The following HPSE2 variants were observed in gnomAD, a reference collection of about 807,000 sequenced individuals.
The protein encoded by HPSE2 is heparanase 2 (inactive).
A neutral mutation model predicts 60.5 loss-of-function variants in HPSE2; 38 were observed. The observed-to-expected ratio is 0.63, with a 90% confidence interval of 0.48 to 0.82. The LOEUF (loss-of-function observed/expected upper bound fraction) is 0.82, where lower values mean the gene tolerates loss of function less well. Among genes scored for constraint, HPSE2 ranks in the 40% least tolerant of loss-of-function variants. HPSE2 has a pLI of 0.00. For synonymous variants in HPSE2, 295 were observed against 293.2 expected (o/e 1.01, Z -0.06); for missense variants, 713 against 740.4 (o/e 0.96, Z 0.43).
chr10:99,023,592 T>C (rs529193378), intron 3 of HPSE2, among the ~76,000 whole-genome samples: 1 of 152,260 alleles, frequency 6.6e-6, no homozygotes, highest in Non-Finnish European at 1.5e-5. Context: ...GTCATAGTAA[T>C]GGTGGCAACA....
intron 6 of HPSE2, among the ~76,000 whole-genome samples, chr10:98,662,971 G>C (rs1947263780): frequency 6.6e-6 from 1 of 152,166 alleles, no homozygotes; most frequent in African/African-American, 2.4e-5. Context: ...ATGAGACCAA[G>C]ATAGGACATG....
At chr10:98,825,612 G>T (rs996870340) in intron 3 of HPSE2, among the ~76,000 whole-genome samples, 6 of 151,402 alleles carry the variant, frequency 4.0e-5, no homozygotes, top group Admixed American at 1.3e-4. Context: ...CCCGGGGTTG[G>T]GGGGGCGGGG....
rs192633205 is a variant in HPSE2, at chr10:98,620,495, G to A, written c.1205+107C>T. 3.8e-6 allele frequency: 3 copies of A among 791,460 alleles called. No individual in the cohort carries two copies. In the Admixed American group the frequency reaches 5.9e-5, roughly 16 times the overall value. 49.0% of individuals were successfully genotyped at this position (791,460 alleles called of 1,614,324 possible). A position where few individuals can be genotyped will look rare whatever the true frequency, so the allele number is the denominator to read the frequency against. On this transcript the variant is annotated intron_variant, in intron 8 of 11. Transcript: ENST00000370552. ...GAATGAATGAAATGAACTTTCAACGGGAAACATGCCTCACCCCTAGGATGG... is the reference window on the plus strand; with the variant it reads ...GAATGAATGAAATGAACTTTCAACGAGAAACATGCCTCACCCCTAGGATGG...
At chr10:98,545,896 G>A (rs10883127) in intron 9 of HPSE2, among the ~76,000 whole-genome samples, 127,363 of 148,242 alleles carry the variant, frequency 0.86, 55,692 homozygotes, top group East Asian at 1. Context: ...TTGTATATCT[G>A]GAAAACCCCA....
At chr10:99,173,741 C>T (rs1847409060) in intron 2 of HPSE2, among the ~76,000 whole-genome samples, 2 of 152,158 alleles carry the variant, frequency 1.3e-5, no homozygotes, top group East Asian at 1.9e-4. Context: ...GTCAGGAGTT[C>T]GAGACCAGCC....
intron 3 of HPSE2, among the ~76,000 whole-genome samples, chr10:98,952,278 C>A (rs1337155060): frequency 1.3e-5 from 2 of 150,538 alleles, no homozygotes; most frequent in South Asian, 2.1e-4. Context: ...AAATGTAAGA[C>A]CATTGAGGAA....
At chr10:98,989,198 T>G (rs1335811889) in intron 3 of HPSE2, among the ~76,000 whole-genome samples, 2 of 152,132 alleles carry the variant, frequency 1.3e-5, no homozygotes, top group African/African-American at 4.8e-5. Context: ...CATGCACACG[T>G]ATGTTTATTG....
At chr10:99,163,174 G>A (rs1846914440) in intron 2 of HPSE2, among the ~76,000 whole-genome samples, 1 of 150,552 alleles carries the variant, frequency 6.6e-6, no homozygotes, top group Non-Finnish European at 1.5e-5. Context: ...TCTCGCCACT[G>A]CACTCCAGCA....
At chr10:99,010,412 G>A (rs1250370264) in intron 3 of HPSE2, among the ~76,000 whole-genome samples, 1 of 152,198 alleles carries the variant, frequency 6.6e-6, no homozygotes, top group Non-Finnish European at 1.5e-5. Context: ...CTCATGAATT[G>A]CAGCCTTGTG....
chr10:99,084,118 C>T (rs1439746686), intron 3 of HPSE2, among the ~76,000 whole-genome samples: 1 of 151,994 alleles, frequency 6.6e-6, no homozygotes, highest in Non-Finnish European at 1.5e-5. Context: ...AAGTCCAAGA[C>T]TTGTTTGTCT....
chr10:99,097,626 T>G lies in HPSE2; in HGVS notation c.610+46612A>C, dbSNP rs377110534. 7.9e-5 allele frequency among the ~76,000 whole-genome samples: 12 copies of G among 152,316 alleles called. No homozygotes were observed. The East Asian group carries it at 2.1e-3, about 27-fold the overall frequency. ...CTTCACAATAGTAATCTTTTAAAATTATTTTCTTAAACACAATATAGTTAA... is the reference window on the plus strand; with the variant it reads ...CTTCACAATAGTAATCTTTTAAAATGATTTTCTTAAACACAATATAGTTAA... On this transcript the variant is annotated intron_variant, in intron 3 of 11. Coordinates refer to ENST00000370552, the MANE Select transcript of HPSE2 (RefSeq NM_021828.5).
At chr10:98,930,331 C>T (rs1954609071) in intron 3 of HPSE2, among the ~76,000 whole-genome samples, 1 of 144,142 alleles carries the variant, frequency 6.9e-6, no homozygotes, top group Non-Finnish European at 1.5e-5. Context: ...CCTTTTATGG[C>T]TGCATAGTAT....
the HPSE2 span, among the ~76,000 whole-genome samples, chr10:99,305,979 G>GCACACACACACACA: frequency 0.042 from 3,360 of 80,406 alleles, 157 homozygotes; most frequent in South Asian, 0.062. Context: ...GCGCGCGCGC[G>GCACACACACACACA]CACACACACA....
At chr10:98,781,287 C>CTTTTTTTTTT (rs1247238028) in intron 3 of HPSE2, among the ~76,000 whole-genome samples, 3 of 132,606 alleles carry the variant, frequency 2.3e-5, no homozygotes, top group African/African-American at 8.9e-5. Context: ...ATATCCACTT[C>CTTTTTTTTTT]TTTTTTTTTT....
chr10:98,739,302 TCA>T (rs1390818248), intron 4 of HPSE2, among the ~76,000 whole-genome samples: 3 of 151,880 alleles, frequency 2.0e-5, no homozygotes, highest in Non-Finnish European at 4.4e-5. Flanking sequence ...GAGGGAAACA[TCA>T]CACACTGTGG....
At chr10:99,123,461 A>T (rs1845038442) in intron 3 of HPSE2, among the ~76,000 whole-genome samples, 13 of 152,218 alleles carry the variant, frequency 8.5e-5, no homozygotes. Flanking sequence ...AGACTAAAAA[A>T]GATTAAAAAC....
chr10:98,922,484 T>G (rs1954309739), intron 3 of HPSE2, among the ~76,000 whole-genome samples: 1 of 152,200 alleles, frequency 6.6e-6, no homozygotes, highest in Non-Finnish European at 1.5e-5. Flanking sequence ...CCCTTTCAGC[T>G]AATGCATTGG....
At chr10:99,306,890 A>G in the HPSE2 span, among the ~76,000 whole-genome samples, 1 of 151,992 alleles carries the variant, frequency 6.6e-6, no homozygotes, top group Non-Finnish European at 1.5e-5. Context: ...TTGTATTTTT[A>G]GTAGAGACGG....
At chr10:98,991,239 A>T (rs1956516567) in intron 3 of HPSE2, among the ~76,000 whole-genome samples, 1 of 152,196 alleles carries the variant, frequency 6.6e-6, no homozygotes, top group Non-Finnish European at 1.5e-5. Flanking sequence ...ATGTGAAGAG[A>T]AATAAAGGAG....
Sources: allele counts gnomAD v4.1 joint callset (sites outside exome capture counted in the v4.1 genomes callset), GRCh38; gene constraint gnomAD v4.1.1; transcripts MANE v1.5; gene names NCBI Gene and HGNC (gene_info 2026-07-23, HGNC 2026-07-21).